Variants in TTC28 observed in about 807,000 individuals in gnomAD.
TTC28 encodes the protein tetratricopeptide repeat domain 28.
Under a neutral mutation model 198.0 loss-of-function variants are expected in TTC28, and 61 were observed. The ratio of observed to expected loss-of-function variants is 0.31; its 90% confidence interval spans 0.25 to 0.38. The LOEUF (loss-of-function observed/expected upper bound fraction) is 0.38. Ranked by LOEUF, TTC28 falls within the 10% of genes least tolerant of loss-of-function variation. The pLI is 1.00. For synonymous variants in TTC28, 1,171 were observed against 1,297.8 expected (o/e 0.90, Z 2.10); for missense variants, 2,678 against 3,164.0 (o/e 0.85, Z 3.69).
intron 5 of TTC28, among the ~76,000 whole-genome samples, chr22:28,178,301 CAAAAAA>C (rs71194755): frequency 2.9e-5 from 4 of 137,238 alleles, no homozygotes; most frequent in African/African-American, 1.1e-4. Context: ...CTAATAAATA[CAAAAAA>C]AAAAAAAAAA....
Position 27,999,106 on chromosome 22 carries a change from A to G in TTC28, c.4553T>C (p.Leu1518Pro). ...EEEAYMVSEL[L>P]GCQPLVGSVA... Reference sequence around the variant, plus strand: ...ACTGCCCACTAGGGGCTGGCAGCCCAGCAGCTCGGACACCATGTAGGCCTC... The same window carrying G: ...ACTGCCCACTAGGGGCTGGCAGCCCGGCAGCTCGGACACCATGTAGGCCTC... Residue 1518 changes from leucine (L) to proline (P), a missense_variant, in exon 16 of 23, where the codon CTG becomes CCG. By Grantham distance (98) the Leu-to-Pro change is moderately conservative. Around this residue, in one of 8 missense-constraint regions of TTC28, gnomAD observed 727 missense variants for 861.9 expected, o/e 0.84. Coordinates refer to ENST00000397906, the MANE Select transcript of TTC28 (RefSeq NM_001145418.2). 6.4e-7 allele frequency: 1 copy of G among 1,550,600 alleles called. No individual in the cohort carries two copies. Among genetic ancestry groups the G allele is most frequent in the Non-Finnish European group, 8.7e-7 (1 of 1,147,000 alleles).
intron 2 of TTC28, among the ~76,000 whole-genome samples, chr22:28,416,447 C>T (rs191071262): frequency 1.5e-3 from 226 of 152,296 alleles, no homozygotes; most frequent in African/African-American, 5.3e-3. Context: ...CATGTGGTTA[C>T]TACCTACTGA....
chr22:28,146,348 T>C (rs920844651), intron 6 of TTC28, among the ~76,000 whole-genome samples: 6 of 152,324 alleles, frequency 3.9e-5, no homozygotes, highest in East Asian at 1.9e-4. Context: ...AGCACATAGG[T>C]GCTTCTTATT....
chr22:28,406,069 G>A (rs554685994), intron 2 of TTC28, among the ~76,000 whole-genome samples: 21 of 152,256 alleles, frequency 1.4e-4, no homozygotes, highest in East Asian at 7.7e-4. Context: ...ACCCTCCTGC[G>A]CTAAGCCCCA....
chr22:28,135,768 A>G (rs1337997344), intron 6 of TTC28, among the ~76,000 whole-genome samples: 1 of 152,248 alleles, frequency 6.6e-6, no homozygotes, highest in African/African-American at 2.4e-5. Flanking sequence ...GGGAATTCAC[A>G]TCTGATGTTT....
intron 2 of TTC28, among the ~76,000 whole-genome samples, chr22:28,389,507 C>T (rs1331427619): frequency 1.4e-5 from 2 of 147,768 alleles, no homozygotes; most frequent in African/African-American, 2.5e-5. Flanking sequence ...CTGATTATTG[C>T]CACAATTTCA....
intron 5 of TTC28, among the ~76,000 whole-genome samples, chr22:28,202,441 G>A (rs1926047059): frequency 6.6e-6 from 1 of 151,958 alleles, no homozygotes; most frequent in African/African-American, 2.4e-5. Context: ...GGAGGCTGAG[G>A]CAGGAGAATC....
At chr22:27,990,845 AAGAG>A (rs1376972773) in intron 19 of TTC28, 33 bp from the exon 20 acceptor site, 130 of 1,542,850 alleles carry the variant, frequency 8.4e-5, no homozygotes, top group Non-Finnish European at 1.1e-4. Context: ...AAAAGAAAGA[AAGAG>A]AGAAAGAAGA....
chr22:28,548,354 G>GC (rs2049587747), intron 2 of TTC28, among the ~76,000 whole-genome samples: 1 of 152,150 alleles, frequency 6.6e-6, no homozygotes, highest in Non-Finnish European at 1.5e-5. Flanking sequence ...TATGAGGTAG[G>GC]GTAAGCGGAG....
At chr22:28,569,296 G>A (rs1190182292) in intron 2 of TTC28, among the ~76,000 whole-genome samples, 4 of 151,800 alleles carry the variant, frequency 2.6e-5, no homozygotes, top group African/African-American at 4.8e-5. Flanking sequence ...CAAACAATAC[G>A]ACAAGGCTAC....
intron 2 of TTC28, among the ~76,000 whole-genome samples, chr22:28,571,825 G>A (rs750094280): frequency 1.3e-5 from 2 of 151,848 alleles, no homozygotes; most frequent in Non-Finnish European, 2.9e-5. Context: ...GAACATGCCT[G>A]TAGTCCCAGC....
intron 2 of TTC28, among the ~76,000 whole-genome samples, chr22:28,337,870 T>C (rs2045757936): frequency 6.6e-6 from 1 of 152,232 alleles, no homozygotes; most frequent in Admixed American, 6.5e-5. Context: ...TGTGTGAATT[T>C]GATCCTGTCT....
intron 2 of TTC28, among the ~76,000 whole-genome samples, chr22:28,344,762 A>G (rs1343841661): frequency 2.6e-5 from 4 of 152,184 alleles, no homozygotes; most frequent in African/African-American, 9.7e-5. Flanking sequence ...CTCTCCTTTC[A>G]TCTCCAAAGG....
chr22:28,644,814 A>C (rs12167614), intron 1 of TTC28, among the ~76,000 whole-genome samples: 20,690 of 151,810 alleles, frequency 0.14, 1,630 homozygotes, highest in African/African-American at 0.2. Flanking sequence ...CAAAGTGAGA[A>C]CCTGTCTCAA....
chr22:28,542,524 C>A (rs1324224580), intron 2 of TTC28, among the ~76,000 whole-genome samples: 1 of 152,116 alleles, frequency 6.6e-6, no homozygotes, highest in African/African-American at 2.4e-5. Flanking sequence ...TGCCACTGAA[C>A]TGTAAACTTT....
chr22:28,441,817 A>T (rs2047626134), intron 2 of TTC28, among the ~76,000 whole-genome samples: 1 of 151,220 alleles, frequency 6.6e-6, no homozygotes, highest in Non-Finnish European at 1.5e-5. Context: ...ACCACAGCAC[A>T]TTCAGTTTGC....
chr22:28,537,649 C>G (rs1365155580), intron 2 of TTC28, among the ~76,000 whole-genome samples: 1 of 151,902 alleles, frequency 6.6e-6, no homozygotes, highest in African/African-American at 2.4e-5. Flanking sequence ...TACATGTTTA[C>G]AAAAATAGCA....
chr22:28,534,292 G>T (rs983741238), intron 2 of TTC28, among the ~76,000 whole-genome samples: 1 of 152,162 alleles, frequency 6.6e-6, no homozygotes, highest in Admixed American at 6.5e-5. Flanking sequence ...CATTTATGCA[G>T]CCAAAAGACA....
chr22:28,541,791 T>A (rs1051710519), intron 2 of TTC28, among the ~76,000 whole-genome samples: 8 of 151,842 alleles, frequency 5.3e-5, no homozygotes, highest in Non-Finnish European at 4.4e-5. Context: ...ATCTGAAATA[T>A]GAAATTTACT....
Sources: allele counts gnomAD v4.1 joint callset (sites outside exome capture counted in the v4.1 genomes callset), GRCh38; gene constraint gnomAD v4.1.1; regional missense constraint gnomAD v4.1.1; transcripts MANE v1.5; gene names NCBI Gene and HGNC (gene_info 2026-07-23, HGNC 2026-07-21).